Variants in SNX1 observed in about 807,000 individuals in gnomAD.
SNX1 encodes the protein sorting nexin 1.
In SNX1, 36 loss-of-function variants were observed where a neutral mutation model predicts 71.8. That is an observed-to-expected ratio of 0.50 (90% confidence interval 0.38 to 0.66). The LOEUF is 0.66. Among genes scored for constraint, SNX1 ranks in the 30% least tolerant of loss-of-function variants. The probability of loss-of-function intolerance (pLI) is 0.00; values close to 1 mark genes in which losing one functional copy is unlikely to be tolerated. For synonymous variants in SNX1, 254 were observed against 240.7 expected (o/e 1.06, Z -0.51); for missense variants, 612 against 646.7 (o/e 0.95, Z 0.58).
At chr15:64,099,601 A>G (rs1353312997) in intron 1 of SNX1, among the ~76,000 whole-genome samples, 1 of 152,250 alleles carries the variant, frequency 6.6e-6, no homozygotes, top group Non-Finnish European at 1.5e-5. Context: ...TTAGTGAGCC[A>G]GGATTGCACC....
chr15:64,112,077 G>A (rs148496902), intron 1 of SNX1, among the ~76,000 whole-genome samples: 65 of 152,208 alleles, frequency 4.3e-4, no homozygotes, highest in African/African-American at 1.5e-3. Flanking sequence ...GCATTAGAAC[G>A]TAGTGTTATA....
At chr15:64,136,242 C>A in intron 12 of SNX1, 88 bp from the exon 13 acceptor site, 1 of 961,906 alleles carries the variant, frequency 1.0e-6, no homozygotes, top group Non-Finnish European at 1.7e-6. Context: ...TCAATTGAGC[C>A]CTCATATGTA....
At chr15:64,117,277 CAG>C (rs1355873610) in intron 2 of SNX1, among the ~76,000 whole-genome samples, 12 of 152,002 alleles carry the variant, frequency 7.9e-5, no homozygotes, top group African/African-American at 9.7e-5. Context: ...TTTTTGGAGA[CAG>C]AGTCTCCCTC....
chr15:64,124,545 G>T (rs1178551280), intron 5 of SNX1, among the ~76,000 whole-genome samples: 3 of 150,312 alleles, frequency 2.0e-5, no homozygotes, highest in Admixed American at 2.0e-4. Flanking sequence ...GCTGATAATT[G>T]TGCTTGCTTT....
chr15:64,126,139 C>G lies in SNX1; in HGVS notation c.571C>G (p.Leu191Val), dbSNP rs149753651. Residue 191 changes from leucine (L) to valine (V), a missense_variant, in exon 6 of 15, where the codon CTG (leucine) becomes GTG (valine). Coordinates refer to ENST00000559844, the MANE Select transcript of SNX1 (RefSeq NM_003099.5). Reference sequence around the variant, plus strand: ...AGTAAAAAGAAGATTTAGTGACTTTCTGGGTCTTTATGAGAAGCTTTCCGA... The same window carrying G: ...AGTAAAAAGAAGATTTAGTGACTTTGTGGGTCTTTATGAGAAGCTTTCCGA... ...FAVKRRFSDF[L>V]GLYEKLSEKH... 1.2e-6 allele frequency: 2 copies of G among 1,614,116 alleles called. No individual in the cohort carries two copies. Among genetic ancestry groups the G allele is most frequent in the South Asian group, 1.1e-5 (1 of 91,074 alleles).
intron 12 of SNX1, chr15:64,135,010 G>A: frequency 1.6e-6 from 1 of 606,092 alleles, no homozygotes; most frequent in Non-Finnish European, 2.7e-6. Context: ...ACTCTACGCA[G>A]ACTTGTCAAA....
intron 1 of SNX1, among the ~76,000 whole-genome samples, chr15:64,107,145 A>C (rs1008089056): frequency 6.6e-6 from 1 of 151,734 alleles, no homozygotes; most frequent in Non-Finnish European, 1.5e-5. Context: ...TGATCACACA[A>C]CTCCTTAGCT....
rs1342152745 is a variant in SNX1, at chr15:64,134,822, G to A, written c.1365+15G>A. The A allele has an allele frequency of 6.2e-7, 1 of 1,613,454 alleles. No homozygotes were observed. Among genetic ancestry groups the A allele is most frequent in the South Asian group, 1.1e-5 (1 of 90,988 alleles). ...AGATCCTCGAGGTGAGTCCACTGAG[G>A]CAGCCCAGCCAGGGGTGTTCTGCTG... On this transcript the variant is annotated intron_variant, in intron 12 of 14. Transcript: ENST00000559844. This position sits in a 1 kb window ranked among gnomAD's most constrained non-coding sequence, Gnocchi z 4.1.
chr15:64,107,745 G>GAA (rs71287033), intron 1 of SNX1, among the ~76,000 whole-genome samples: 27 of 145,402 alleles, frequency 1.9e-4, no homozygotes, highest in South Asian at 4.4e-4. Context: ...CTGCGAAAAG[G>GAA]AAAAAAAAAA....
intron 1 of SNX1, among the ~76,000 whole-genome samples, chr15:64,101,870 A>G (rs1254599407): frequency 2.0e-5 from 3 of 152,238 alleles, no homozygotes; most frequent in Non-Finnish European, 4.4e-5. Context: ...TATTTTCAAA[A>G]AGCTTTCTGA....
chr15:64,136,716 C>T (rs2081363583), intron 13 of SNX1, 145 bp from the exon 14 acceptor site: 1 of 656,028 alleles, frequency 1.5e-6, no homozygotes, highest in Non-Finnish European at 2.7e-6. Context: ...CCTTGGCAGA[C>T]CCTCTTTGGC....
At chr15:64,096,269 T>C in intron 1 of SNX1, 97 bp downstream of exon 1, 2 of 1,403,192 alleles carry the variant, frequency 1.4e-6, no homozygotes, top group Non-Finnish European at 1.9e-6. Flanking sequence ...GTGGGCCCGG[T>C]GAGACCTTGC....
intron 1 of SNX1, among the ~76,000 whole-genome samples, chr15:64,110,088 T>C (rs2081063818): frequency 6.6e-6 from 1 of 152,202 alleles, no homozygotes. Flanking sequence ...ATATCCATAA[T>C]GGAGAGTTCA....
chr15:64,096,023 G>C lies in SNX1; in HGVS notation c.10G>C (p.Gly4Arg). Reference sequence around the variant, plus strand: ...CCGCGGGTGGAAGAAGATGGCGTCGGGTGGTGGTGGCTGTAGCGCTTCGGA... The same window carrying C: ...CCGCGGGTGGAAGAAGATGGCGTCGCGTGGTGGTGGCTGTAGCGCTTCGGA... MAS[G>R]GGGCSASERL... The change falls in exon 1 of 15, where the codon GGT becomes CGT. Residue 4 changes from glycine (G) to arginine (R), a missense_variant. Coordinates refer to ENST00000559844, the MANE Select transcript of SNX1 (RefSeq NM_003099.5). 6.3e-7 allele frequency: 1 copy of C among 1,596,398 alleles called. No homozygotes were observed.
rs1032921550 is a variant in SNX1 at position 64,144,186 on chromosome 15, G to A, written c.*6568G>A. 3.3e-5 allele frequency: 5 copies of A among 151,988 alleles called. No homozygotes were observed. Among genetic ancestry groups the A allele is most frequent in the East Asian group, 1.9e-4 (1 of 5,188 alleles). The allele number at this position is 151,988 out of a possible 1,614,324, so 9.4% of individuals were successfully genotyped here. On this transcript the variant is annotated 3_prime_UTR_variant, in exon 15 of 15. Coordinates refer to ENST00000559844, the MANE Select transcript of SNX1 (RefSeq NM_003099.5). This position sits in a 1 kb window ranked among gnomAD's most constrained non-coding sequence, Gnocchi z 4.3. ...TTGCTTAAAATTTGTATGTATTATC[G>A]TTAAAATAAGAAAAATCAAATAAAG...
intron 5 of SNX1, among the ~76,000 whole-genome samples, chr15:64,124,195 T>C: frequency 7.0e-6 from 1 of 142,866 alleles, no homozygotes; most frequent in East Asian, 2.0e-4. Flanking sequence ...TTTTGCTTTG[T>C]TTTGAGTTTC....
chr15:64,138,321 CTCTCTT>C lies in SNX1; in HGVS notation c.*705_*710del. 1.3e-6 allele frequency: 1 copy of C among 748,162 alleles called. No individual in the cohort carries two copies. Among genetic ancestry groups the C allele is most frequent in the Admixed American group, 4.6e-5 (1 of 21,724 alleles). The allele number at this position is 748,162 out of a possible 1,614,324, so 46.3% of individuals were successfully genotyped here. A position where few individuals can be genotyped will look rare whatever the true frequency, so the allele number is the denominator to read the frequency against. ...TGCAAAGGAGGCAGAGACTTTCTCTCTCTCTTTTTTTTTTTTTTTTGGTGTCCCTAT... is the reference window on the plus strand; with the variant it reads ...TGCAAAGGAGGCAGAGACTTTCTCTCTTTTTTTTTTTTTTGGTGTCCCTAT... On this transcript the variant is annotated 3_prime_UTR_variant, in exon 15 of 15. Transcript: ENST00000559844.
At chr15:64,096,320 C>T (rs2080900495) in intron 1 of SNX1, 148 bp downstream of exon 1, 2 of 970,062 alleles carry the variant, frequency 2.1e-6, no homozygotes, top group Non-Finnish European at 2.9e-6. Context: ...CCTGGATGTG[C>T]TCGAAGCGGT....
In SNX1 at chr15:64,138,302, G is replaced by A; in HGVS notation, c.*684G>A. 2 of 1,097,298 alleles carry A rather than the reference G, an allele frequency of 1.8e-6. No individual in the cohort carries two copies. The highest frequency in any genetic ancestry group is 2.4e-6 in the Non-Finnish European group (2 of 816,452). The allele number at this position is 1,097,298 out of a possible 1,614,324, so 68.0% of individuals were successfully genotyped here. A position where few individuals can be genotyped will look rare whatever the true frequency, so the allele number is the denominator to read the frequency against. ...CTATTAAAACCTATTCTCCTGCAAA[G>A]GAGGCAGAGACTTTCTCTCTCTCTT... On this transcript the variant is annotated 3_prime_UTR_variant, in exon 15 of 15. Transcript: ENST00000559844.
Sources: allele counts gnomAD v4.1 joint callset (sites outside exome capture counted in the v4.1 genomes callset), GRCh38; gene constraint gnomAD v4.1.1; non-coding constraint Gnocchi (gnomAD v3.1); transcripts MANE v1.5; gene names NCBI Gene and HGNC (gene_info 2026-07-23, HGNC 2026-07-21).